THADA: variants seen among roughly 807,000 people sequenced by gnomAD.
The protein encoded by THADA is tRNA (32-2'-O)-methyltransferase regulator THADA.
A neutral mutation model predicts 219.8 loss-of-function variants in THADA; 213 were observed. The observed-to-expected ratio is 0.97, with a 90% CI of 0.87 to 1.09. The LOEUF is 1.09. THADA is among the 50% of genes least tolerant of loss of function. The pLI is 0.00. For synonymous variants in THADA, 1,018 were observed against 828.9 expected, an observed-to-expected ratio of 1.23 and a Z score of -3.92; for missense variants, 2,956 against 2,311.3, an observed-to-expected ratio of 1.28 and a Z score of -5.72.
chr2:43,566,662 C>T (rs1698722467), intron 15 of THADA, 36 bp downstream of exon 15: 1 of 1,603,856 alleles, frequency 6.2e-7, no homozygotes, highest in African/African-American at 1.3e-5. Flanking sequence ...TGAAAGAAAA[C>T]AAAAATTACT....
chr2:43,466,347 C>T (rs1272067016), intron 26 of THADA, among the ~76,000 whole-genome samples: 3 of 152,186 alleles, frequency 2.0e-5, no homozygotes, highest in African/African-American at 7.2e-5. Flanking sequence ...GCTCCCTTTG[C>T]CCCTACAGTT....
intron 6 of THADA, 123 bp downstream of exon 6, chr2:43,586,579 G>T (rs1012270655): frequency 3.0e-6 from 4 of 1,320,418 alleles, no homozygotes; most frequent in African/African-American, 3.0e-5. Context: ...AAAAGGAAGG[G>T]TCATGATGTA....
At chr2:43,589,727 G>A (rs1701358368) in intron 4 of THADA, among the ~76,000 whole-genome samples, 2 of 151,870 alleles carry the variant, frequency 1.3e-5, no homozygotes, top group Admixed American at 1.3e-4. Flanking sequence ...CAAATTGTTG[G>A]GTACAGTATA....
chr2:43,381,647 C>T (rs1184461559), intron 29 of THADA, among the ~76,000 whole-genome samples: 1 of 150,520 alleles, frequency 6.6e-6, no homozygotes, highest in Admixed American at 6.6e-5. Context: ...GTGGCATCAT[C>T]TTGGCTCACT....
intron 31 of THADA, among the ~76,000 whole-genome samples, chr2:43,315,581 G>T (rs912810273): frequency 6.6e-5 from 10 of 151,940 alleles, no homozygotes; most frequent in Admixed American, 5.2e-4. Context: ...TCCTGCCTCA[G>T]CATCCTGAGT....
intron 22 of THADA, 63 bp from the exon 23 acceptor site, chr2:43,508,843 G>A: frequency 6.6e-7 from 1 of 1,516,588 alleles, no homozygotes. Context: ...ACAAACTATT[G>A]ATGCACATTT....
intron 24 of THADA, among the ~76,000 whole-genome samples, chr2:43,502,827 A>G (rs546883501): frequency 6.8e-4 from 104 of 152,150 alleles, no homozygotes; most frequent in Non-Finnish European, 1.4e-3. Context: ...AAAGAAATCA[A>G]TATCAAGAAA....
chr2:43,369,117 C>G (rs1377889823), intron 29 of THADA, among the ~76,000 whole-genome samples: 3 of 152,132 alleles, frequency 2.0e-5, no homozygotes, highest in Non-Finnish European at 4.4e-5. Context: ...TACTTCATGC[C>G]CCTTGATCTT....
intron 28 of THADA, among the ~76,000 whole-genome samples, chr2:43,427,785 T>C (rs1678664453): frequency 6.7e-6 from 1 of 148,980 alleles, no homozygotes; most frequent in African/African-American, 2.4e-5. Context: ...TGAAACCCCA[T>C]CTCTACTAAA....
chr2:43,383,024 G>A (rs540756546), intron 29 of THADA, among the ~76,000 whole-genome samples: 1 of 152,014 alleles, frequency 6.6e-6, no homozygotes, highest in Non-Finnish European at 1.5e-5. Flanking sequence ...AATAATCAAT[G>A]GGTTAAAGAA....
intron 21 of THADA, among the ~76,000 whole-genome samples, chr2:43,539,672 G>C (rs2103804935): frequency 6.6e-6 from 1 of 152,244 alleles, no homozygotes; most frequent in East Asian, 1.9e-4. Context: ...TGGCAACATA[G>C]AAAAATGACT....
Position 43,430,212 on chromosome 2 carries a change from C to A in THADA, c.3926+1G>T. ...TTTGCCCCACCCAATTCTCTTCTTA[C>A]CTGTCTACTGTATTGGCTACAGTTT... On this transcript the variant is annotated splice_donor_variant, in intron 27 of 37. Coordinates refer to ENST00000405975, the MANE Select transcript of THADA (RefSeq NM_022065.5). LOFTEE classifies it high-confidence loss of function. 1 of 1,507,184 alleles carries A rather than the reference C, an allele frequency of 6.6e-7. No homozygotes were observed. The highest frequency in any genetic ancestry group is 8.9e-7 in the Non-Finnish European group (1 of 1,123,252). The allele number at this position is 1,507,184 out of a possible 1,614,324, so 93.4% of individuals were successfully genotyped here.
At chr2:43,294,454 C>T (rs768331075) in intron 31 of THADA, among the ~76,000 whole-genome samples, 6 of 152,120 alleles carry the variant, frequency 3.9e-5, no homozygotes, top group South Asian at 2.1e-4. Flanking sequence ...TGAAACAGAA[C>T]GGACCATGTG....
intron 31 of THADA, among the ~76,000 whole-genome samples, chr2:43,310,222 T>TC (rs371025361): frequency 5.3e-4 from 34 of 64,550 alleles, no homozygotes; most frequent in African/African-American, 1.5e-3. Context: ...TCCCTCCCTT[T>TC]CCCGCCCCCC....
chr2:43,427,299 C>A (rs925583194), intron 28 of THADA, among the ~76,000 whole-genome samples: 1 of 152,120 alleles, frequency 6.6e-6, no homozygotes, highest in Admixed American at 6.5e-5. Context: ...AGGAATAACG[C>A]AAACATGGGG....
intron 16 of THADA, among the ~76,000 whole-genome samples, chr2:43,558,244 C>A (rs891021201): frequency 3.9e-5 from 6 of 152,108 alleles, no homozygotes; most frequent in African/African-American, 1.4e-4. Context: ...GTCAACAATA[C>A]GTATGTACAC....
At chr2:43,257,109 G>T (rs540286180) in intron 36 of THADA, among the ~76,000 whole-genome samples, 2 of 152,178 alleles carry the variant, frequency 1.3e-5, no homozygotes, top group African/African-American at 2.4e-5. Context: ...GGGTGGAGAG[G>T]GGGGATGGAA....
chr2:43,340,264 C>T (rs1011530343), intron 30 of THADA, among the ~76,000 whole-genome samples: 1 of 152,196 alleles, frequency 6.6e-6, no homozygotes, highest in African/African-American at 2.4e-5. Flanking sequence ...AGAGCAGAAG[C>T]CCAGTCCTTT....
chr2:43,359,387 A>G (rs1253332674), intron 29 of THADA, among the ~76,000 whole-genome samples: 1 of 152,190 alleles, frequency 6.6e-6, no homozygotes, highest in African/African-American at 2.4e-5. Context: ...GTCATCAAAA[A>G]ACCTTTTCAT....
Sources: allele counts gnomAD v4.1 joint callset (sites outside exome capture counted in the v4.1 genomes callset), GRCh38; gene constraint gnomAD v4.1.1; transcripts MANE v1.5; gene names NCBI Gene and HGNC (gene_info 2026-07-23, HGNC 2026-07-21).